Variants in SLC7A5 observed in about 807,000 individuals in gnomAD.
The protein encoded by SLC7A5 is large neutral amino acids transporter small subunit 1.
A neutral mutation model predicts 50.2 loss-of-function variants in SLC7A5; 23 were observed. The observed-to-expected ratio is 0.46, with a 90% confidence interval of 0.33 to 0.65. The LOEUF is 0.65. Ranked by LOEUF, SLC7A5 falls within the 30% of genes least tolerant of loss-of-function variation. The pLI, the probability that SLC7A5 is intolerant of heterozygous loss-of-function variation, is 0.02. For synonymous variants in SLC7A5, 393 were observed against 330.6 expected, an observed-to-expected ratio of 1.19 and a Z score of -2.05; for missense variants, 578 against 684.4, an observed-to-expected ratio of 0.84 and a Z score of 1.73.
chr16:87,838,371 A>G (rs1020220902), intron 6 of SLC7A5, among the ~76,000 whole-genome samples: 2 of 144,348 alleles, frequency 1.4e-5, no homozygotes, highest in East Asian at 4.2e-4. Context: ...GGCTCACTGC[A>G]GTCTCAATCT....
In SLC7A5 at chr16:87,833,878, G is replaced by T. The variant is rs1209088382; in HGVS notation, c.1468+536C>A. On this transcript the variant is annotated intron_variant, in intron 9 of 9. Transcript: ENST00000261622. This position sits in a 1 kb window ranked among gnomAD's most constrained non-coding sequence, Gnocchi z 6.0. ...CTGCCTTTTTTTTTTTTTTTGAGAA[G>T]AGTCTCGCTCTGTCGCCCAGGCTGG... Among the ~76,000 whole-genome samples the T allele has an allele frequency of 2.7e-5, 4 of 148,690 alleles. No individual in the cohort carries two copies. The highest frequency in any genetic ancestry group is 1.0e-4 in the African/African-American group (4 of 39,980).
At chr16:87,847,684 A>G (rs3893171) in intron 2 of SLC7A5, among the ~76,000 whole-genome samples, 4,491 of 152,218 alleles carry the variant, frequency 0.03, 203 homozygotes, top group African/African-American at 0.099. Context: ...GCCTCCCCCC[A>G]GCAGCGCATG....
At chr16:87,838,627 G>A in intron 6 of SLC7A5, 87 bp downstream of exon 6, 1 of 1,049,832 alleles carries the variant, frequency 9.5e-7, no homozygotes, top group Non-Finnish European at 1.5e-6. Flanking sequence ...GTATCACAGA[G>A]ACAAACCTTT....
chr16:87,842,850 C>T (rs900576093), intron 2 of SLC7A5, among the ~76,000 whole-genome samples: 1 of 132,042 alleles, frequency 7.6e-6, no homozygotes, highest in Non-Finnish European at 1.6e-5. Flanking sequence ...CAGGACAGGG[C>T]ACTTTGCACA....
intron 2 of SLC7A5, among the ~76,000 whole-genome samples, chr16:87,849,090 T>A (rs1434606238): frequency 6.6e-6 from 1 of 152,212 alleles, no homozygotes; most frequent in Non-Finnish European, 1.5e-5. Context: ...AGATTTTCGC[T>A]GCATTCTCCA....
Position 87,853,654 on chromosome 16 carries a change from TG to T in SLC7A5, c.539-1806del, listed in dbSNP as rs551581054. ...CTTGCCAGTCCCATTTCCTTATGGTTGGGGGGAGCACGACCATAAAAGAAAC... is the reference window on the plus strand; with the variant it reads ...CTTGCCAGTCCCATTTCCTTATGGTTGGGGGAGCACGACCATAAAAGAAAC... On this transcript the variant is annotated intron_variant, in intron 1 of 9. Coordinates refer to ENST00000261622, the MANE Select transcript of SLC7A5 (RefSeq NM_003486.7). The surrounding 1 kb of genome is among the most constrained non-coding windows in gnomAD (Gnocchi z 4.4). Among the ~76,000 whole-genome samples the T allele has an allele frequency of 2.6e-3, 395 of 152,152 alleles. 5 individuals carry two copies. Among genetic ancestry groups the T allele is most frequent in the African/African-American group, 9.1e-3 (379 of 41,496 alleles).
chr16:87,843,804 G>A (rs1456579139), intron 2 of SLC7A5, among the ~76,000 whole-genome samples: 2 of 152,190 alleles, frequency 1.3e-5, no homozygotes, highest in African/African-American at 2.4e-5. Context: ...GGTGGCAGAG[G>A]TGCCAGGCTG....
chr16:87,856,601 C>T (rs1283594073), intron 1 of SLC7A5, among the ~76,000 whole-genome samples: 2 of 152,190 alleles, frequency 1.3e-5, no homozygotes, highest in East Asian at 1.9e-4. Context: ...GGAGCTTGGG[C>T]CCCCCTCTGC....
chr16:87,842,875 C>A (rs2055099100), intron 2 of SLC7A5, among the ~76,000 whole-genome samples: 1 of 87,056 alleles, frequency 1.1e-5, no homozygotes, highest in Non-Finnish European at 2.2e-5. Flanking sequence ...CTCGGCACAG[C>A]CCCTCTGGCC....
At chr16:87,857,219 G>A (rs1448859752) in intron 1 of SLC7A5, among the ~76,000 whole-genome samples, 1 of 143,386 alleles carries the variant, frequency 7.0e-6, no homozygotes, top group Admixed American at 6.8e-5. Flanking sequence ...CAAAGGCAGC[G>A]TTCACATTTT....
intron 1 of SLC7A5, among the ~76,000 whole-genome samples, chr16:87,859,490 C>T (rs1352724876): frequency 6.6e-6 from 1 of 152,158 alleles, no homozygotes; most frequent in Non-Finnish European, 1.5e-5. Context: ...TTCTAAGCCC[C>T]GTAACTGACT....
At chr16:87,836,687 G>T in intron 7 of SLC7A5, 40 bp from the exon 8 acceptor site, 1 of 1,605,966 alleles carries the variant, frequency 6.2e-7, no homozygotes. Context: ...TGGGGCCCAC[G>T]AGCAGGGCTG....
At chr16:87,836,849 A>T in intron 7 of SLC7A5, 1 of 411,710 alleles carries the variant, frequency 2.4e-6, no homozygotes, top group Non-Finnish European at 4.7e-6. Flanking sequence ...GGAGGAGGGA[A>T]GAGGCGGGGA....
intron 1 of SLC7A5, among the ~76,000 whole-genome samples, chr16:87,857,629 A>G (rs1218725681): frequency 6.6e-6 from 1 of 152,216 alleles, no homozygotes; most frequent in African/African-American, 2.4e-5. Flanking sequence ...CAGTCTCTGC[A>G]GAGCACAAGG....
In SLC7A5 at chr16:87,853,772, GA is replaced by G. The variant is rs2055270916; in HGVS notation, c.539-1924del. 1 of 152,222 alleles carries G rather than the reference GA, an allele frequency of 6.6e-6. No homozygotes were observed. The allele number at this position is 152,222 out of a possible 1,614,324, so 9.4% of individuals were successfully genotyped here. ...TCACTCGCTCATTCATGCCCGGAGG[GA>G]GGCGGGGAGTGGGTGTGGCCAAGCC... On this transcript the variant is annotated intron_variant, in intron 1 of 9. Coordinates refer to ENST00000261622, the MANE Select transcript of SLC7A5 (RefSeq NM_003486.7). The surrounding 1 kb of genome is among the most constrained non-coding windows in gnomAD (Gnocchi z 4.4).
intron 2 of SLC7A5, among the ~76,000 whole-genome samples, chr16:87,847,962 C>T (rs1176300449): frequency 6.6e-6 from 1 of 151,984 alleles, no homozygotes; most frequent in Non-Finnish European, 1.5e-5. Flanking sequence ...AGGTCACATC[C>T]AGGGGTCTCG....
rs571653934 is a variant in SLC7A5, at chr16:87,832,887, G to A, written c.*83C>T. Reference sequence around the variant, plus strand: ...GATGGGCAGCTGAGCTGTGGGTTGCGGGGAACCGGAGTGGGTTCGAGGAGG... The same window carrying A: ...GATGGGCAGCTGAGCTGTGGGTTGCAGGGAACCGGAGTGGGTTCGAGGAGG... On this transcript the variant is annotated 3_prime_UTR_variant, in exon 10 of 10. Transcript: ENST00000261622. This position sits in a 1 kb window ranked among gnomAD's most constrained non-coding sequence, Gnocchi z 4.6. 209 of 1,133,912 alleles carry A rather than the reference G, an allele frequency of 1.8e-4. 1 individual carries two copies. In the Middle Eastern group the frequency reaches 2.0e-3, roughly 11 times the overall value. 70.2% of individuals were successfully genotyped at this position (1,133,912 alleles called of 1,614,324 possible).
At chr16:87,835,268 G>C (rs1438726147) in intron 8 of SLC7A5, among the ~76,000 whole-genome samples, 1 of 152,200 alleles carries the variant, frequency 6.6e-6, no homozygotes, top group East Asian at 1.9e-4. Context: ...ACGCCAACCC[G>C]TGCCCAGGCT....
chr16:87,838,061 A>G, intron 6 of SLC7A5, 120 bp from the exon 7 acceptor site: 3 of 803,150 alleles, frequency 3.7e-6, no homozygotes, highest in Non-Finnish European at 6.3e-6. Flanking sequence ...CTCTCTGGCC[A>G]CAGTGGGAAC....
Sources: allele counts gnomAD v4.1 joint callset (sites outside exome capture counted in the v4.1 genomes callset), GRCh38; gene constraint gnomAD v4.1.1; non-coding constraint Gnocchi (gnomAD v3.1); transcripts MANE v1.5; gene names NCBI Gene and HGNC (gene_info 2026-07-23, HGNC 2026-07-21).